Variants in ARID3B observed in about 807,000 individuals in gnomAD.
The protein encoded by ARID3B is AT-rich interaction domain 3B.
Under a neutral mutation model 51.9 loss-of-function variants are expected in ARID3B, and 10 were observed. That is an observed-to-expected ratio of 0.19 (90% CI 0.12 to 0.33). The LOEUF (loss-of-function observed/expected upper bound fraction) is 0.33. Among genes scored for constraint, ARID3B ranks in the 10% least tolerant of loss-of-function variants. The probability of loss-of-function intolerance (pLI) is 1.00; values close to 1 mark genes in which losing one functional copy is unlikely to be tolerated. For missense variants in ARID3B, 483 were observed against 716.3 expected, an observed-to-expected ratio of 0.67 and a Z score of 3.72; for synonymous variants, 205 against 279.5, an observed-to-expected ratio of 0.73 and a Z score of 2.66.
chr15:74,555,786 CTT>C (rs869243539), intron 2 of ARID3B, among the ~76,000 whole-genome samples: 6 of 95,076 alleles, frequency 6.3e-5, no homozygotes, highest in Admixed American at 1.4e-4. Flanking sequence ...AGCTGTATTT[CTT>C]TTTTTTTTTT....
intron 2 of ARID3B, among the ~76,000 whole-genome samples, chr15:74,557,892 G>A (rs368726788): frequency 7.0e-6 from 1 of 143,728 alleles, no homozygotes; most frequent in African/African-American, 2.6e-5. Context: ...CATGATCTCA[G>A]CTCACTGCAA....
rs74781061 is a variant in ARID3B at position 74,595,855 on chromosome 15, A to G, written c.*81A>G. 0.19 allele frequency: 271,264 copies of G among 1,441,396 alleles called. 36,601 individuals carry two copies. Among genetic ancestry groups the G allele is most frequent in the African/African-American group, 0.54 (36,781 of 67,926 alleles). The allele number at this position is 1,441,396 out of a possible 1,614,324, so 89.3% of individuals were successfully genotyped here. A position where few individuals can be genotyped will look rare whatever the true frequency, so the allele number is the denominator to read the frequency against. On this transcript the variant is annotated 3_prime_UTR_variant, in exon 9 of 9. Coordinates refer to ENST00000346246, the MANE Select transcript of ARID3B (RefSeq NM_006465.4). ...ATGCACAGAATTTACCTCATCTCAC[A>G]GAGCCCACGTCGACGAGCACCATTT...
intron 2 of ARID3B, 55 bp downstream of exon 2, chr15:74,544,543 T>C: frequency 6.4e-7 from 1 of 1,556,678 alleles, no homozygotes; most frequent in Non-Finnish European, 8.7e-7. Context: ...CAGAGAGGGG[T>C]CATGGACTGA....
chr15:74,572,639 C>T (rs1009698100), intron 2 of ARID3B, among the ~76,000 whole-genome samples: 111 of 152,092 alleles, frequency 7.3e-4, no homozygotes, highest in African/African-American at 2.5e-3. Flanking sequence ...GATTCTTCCA[C>T]CCGATTCCCT....
At chr15:74,578,762 C>CA (rs2061747841) in intron 4 of ARID3B, among the ~76,000 whole-genome samples, 1 of 152,086 alleles carries the variant, frequency 6.6e-6, no homozygotes, top group Non-Finnish European at 1.5e-5. Flanking sequence ...AGTGTGGTGG[C>CA]ATGCGCCTGT....
chr15:74,569,570 GAGAC>G (rs1227884791), intron 2 of ARID3B, among the ~76,000 whole-genome samples: 4 of 152,210 alleles, frequency 2.6e-5, no homozygotes, highest in Non-Finnish European at 5.9e-5. Context: ...CTACAAGAAA[GAGAC>G]AGTCTTCCTA....
intron 2 of ARID3B, among the ~76,000 whole-genome samples, chr15:74,548,405 T>G (rs147123821): frequency 6.6e-6 from 1 of 152,182 alleles, no homozygotes; most frequent in Non-Finnish European, 1.5e-5. Flanking sequence ...TTCTGCATAC[T>G]TTGGCAGTCG....
rs368060690 is a variant in ARID3B at position 74,582,879 on chromosome 15, G to A, written c.698-6941G>A. On this transcript the variant is annotated intron_variant, in intron 4 of 8. Transcript: ENST00000346246. ...AATAAATGTAGCATAGTCACATATC[G>A]GAACACTACACAGCCGTAGAAAGTT... Among the ~76,000 whole-genome samples, 21 of 152,044 alleles carry A rather than the reference G, an allele frequency of 1.4e-4. 1 individual carries two copies. The highest frequency in any genetic ancestry group is 9.2e-4 in the Admixed American group (14 of 15,260).
chr15:74,561,282 A>G lies in ARID3B; in HGVS notation c.553-11580A>G, dbSNP rs538194781. 1.8e-3 allele frequency among the ~76,000 whole-genome samples: 281 copies of G among 152,362 alleles called. 1 individual carries two copies. Among genetic ancestry groups the G allele is most frequent in the Non-Finnish European group, 3.1e-3 (214 of 68,030 alleles). ...TTAATCGTAGCTCTTTACTACATCTAGAATGAATGAGAAGGATGAATAGAA... is the reference window on the plus strand; with the variant it reads ...TTAATCGTAGCTCTTTACTACATCTGGAATGAATGAGAAGGATGAATAGAA... On this transcript the variant is annotated intron_variant, in intron 2 of 8. Coordinates refer to ENST00000346246, the MANE Select transcript of ARID3B (RefSeq NM_006465.4).
chr15:74,579,883 GCA>G (rs1491161853), intron 4 of ARID3B, among the ~76,000 whole-genome samples: 7 of 150,766 alleles, frequency 4.6e-5, no homozygotes, highest in Non-Finnish European at 1.0e-4. Flanking sequence ...GCGCGCGCGC[GCA>G]CACGCAAAAA....
intron 2 of ARID3B, among the ~76,000 whole-genome samples, chr15:74,553,573 A>G (rs2061645753): frequency 6.6e-6 from 1 of 152,124 alleles, no homozygotes; most frequent in Non-Finnish European, 1.5e-5. Flanking sequence ...TGTGGGTTTT[A>G]TCTCTTTTCC....
Position 74,596,688 on chromosome 15 carries a change from G to C in ARID3B, c.*914G>C, listed in dbSNP as rs535965565. 3.0e-4 allele frequency: 70 copies of C among 233,634 alleles called. 1 individual carries two copies. Among genetic ancestry groups the C allele is most frequent in the African/African-American group, 1.4e-3 (65 of 45,446 alleles). 14.5% of individuals were successfully genotyped at this position (233,634 alleles called of 1,614,324 possible). ...TGGCCTCACCATCCCCACACGTGCCGATGTCAGGTTCATTGAAATACCTCA... is the reference window on the plus strand; with the variant it reads ...TGGCCTCACCATCCCCACACGTGCCCATGTCAGGTTCATTGAAATACCTCA... On this transcript the variant is annotated 3_prime_UTR_variant, in exon 9 of 9. Transcript: ENST00000346246.
At chr15:74,594,047 A>T (rs79751452) in intron 8 of ARID3B, among the ~76,000 whole-genome samples, 2 of 139,926 alleles carry the variant, frequency 1.4e-5, no homozygotes, top group South Asian at 2.2e-4. Flanking sequence ...TGTCTCAATT[A>T]AAAAAAAAAA....
At chr15:74,584,310 A>T (rs2061772259) in intron 4 of ARID3B, among the ~76,000 whole-genome samples, 1 of 152,214 alleles carries the variant, frequency 6.6e-6, no homozygotes, top group Non-Finnish European at 1.5e-5. Context: ...AAGAATGAAG[A>T]TGCAGAGGAA....
intron 4 of ARID3B, among the ~76,000 whole-genome samples, chr15:74,578,179 G>GCT (rs2061745113): frequency 7.1e-6 from 1 of 140,922 alleles, no homozygotes; most frequent in African/African-American, 2.6e-5. Context: ...GTTTTTTTTT[G>GCT]TTTTTTTTGT....
intron 1 of ARID3B, 67 bp from the exon 2 acceptor site, chr15:74,543,793 T>C: frequency 3.5e-6 from 4 of 1,133,952 alleles, no homozygotes; most frequent in African/African-American, 1.6e-5. Flanking sequence ...AAAGGAAACC[T>C]TTTTATACCT....
At chr15:74,582,288 C>T (rs575319792) in intron 4 of ARID3B, among the ~76,000 whole-genome samples, 2 of 152,250 alleles carry the variant, frequency 1.3e-5, no homozygotes, top group South Asian at 4.1e-4. Flanking sequence ...CTGCCTCAGC[C>T]TCCCGAGTAG....
intron 4 of ARID3B, among the ~76,000 whole-genome samples, chr15:74,585,268 G>T (rs1221159051): frequency 6.6e-6 from 1 of 152,196 alleles, no homozygotes; most frequent in Non-Finnish European, 1.5e-5. Context: ...CATTTCTTGT[G>T]GACAGAGGCC....
At chr15:74,552,056 C>CTTTTTTTTTTTTTTTTTTTTTTTTTCTT (rs869096001) in intron 2 of ARID3B, among the ~76,000 whole-genome samples, 2 of 102,630 alleles carry the variant, frequency 1.9e-5, no homozygotes, top group African/African-American at 4.1e-5. Flanking sequence ...TCTTTCTTTC[C>CTTTTTTTTTTTTTTTTTTTTTTTTTCTT]TTTTTTTTTT....
Sources: allele counts gnomAD v4.1 joint callset (sites outside exome capture counted in the v4.1 genomes callset), GRCh38; gene constraint gnomAD v4.1.1; transcripts MANE v1.5; gene names NCBI Gene and HGNC (gene_info 2026-07-23, HGNC 2026-07-21).